Variants in WWOX observed in about 807,000 individuals in gnomAD.
WWOX encodes the protein WW domain containing oxidoreductase.
A neutral mutation model predicts 46.2 loss-of-function variants in WWOX; 69 were observed. The observed-to-expected ratio is 1.49, with a 90% confidence interval of 1.23 to 1.82. The LOEUF is 1.82. Ranked by LOEUF, WWOX falls within the 40% of genes most tolerant of loss-of-function variation. WWOX has a pLI of 0.00. For synonymous variants in WWOX, 359 were observed against 202.6 expected, an observed-to-expected ratio of 1.77 and a Z score of -6.56; for missense variants, 919 against 542.6, an observed-to-expected ratio of 1.69 and a Z score of -6.89.
At chr16:78,854,025 A>G (rs1375949872) in intron 8 of WWOX, among the ~76,000 whole-genome samples, 1 of 152,230 alleles carries the variant, frequency 6.6e-6, no homozygotes, top group Non-Finnish European at 1.5e-5. Context: ...TGTCTGTTGT[A>G]CCACCACCTG....
chr16:78,750,092 T>C (rs2049440654), intron 8 of WWOX, among the ~76,000 whole-genome samples: 1 of 152,148 alleles, frequency 6.6e-6, no homozygotes, highest in South Asian at 2.1e-4. Flanking sequence ...GCTGAAAGTC[T>C]TTTTCACACC....
chr16:78,366,856 T>C (rs896067333), intron 5 of WWOX, among the ~76,000 whole-genome samples: 8 of 152,116 alleles, frequency 5.3e-5, no homozygotes, highest in Non-Finnish European at 2.9e-5. Context: ...ATAGAAACTG[T>C]TCCTATCATA....
intron 5 of WWOX, among the ~76,000 whole-genome samples, chr16:78,357,199 G>C (rs547446944): frequency 1.3e-5 from 2 of 152,276 alleles, no homozygotes; most frequent in South Asian, 2.1e-4. Context: ...TATGAAGGGA[G>C]TCATATGAGT....
At chr16:78,721,392 A>G (rs1215708708) in intron 8 of WWOX, among the ~76,000 whole-genome samples, 5 of 152,202 alleles carry the variant, frequency 3.3e-5, no homozygotes, top group Non-Finnish European at 7.3e-5. Flanking sequence ...CTGTGTAGTG[A>G]CAACAATTAT....
chr16:78,737,327 G>A (rs1287648603), intron 8 of WWOX, among the ~76,000 whole-genome samples: 11 of 151,430 alleles, frequency 7.3e-5, no homozygotes, highest in South Asian at 2.1e-4. Flanking sequence ...GTACAGATGC[G>A]GTTTCATCAT....
chr16:78,487,850 C>T (rs930067802), intron 8 of WWOX, among the ~76,000 whole-genome samples: 1 of 152,072 alleles, frequency 6.6e-6, no homozygotes, highest in African/African-American at 2.4e-5. Context: ...ACCACCAATC[C>T]CCCAACACTA....
intron 8 of WWOX, among the ~76,000 whole-genome samples, chr16:78,876,546 C>T (rs998927855): frequency 6.6e-6 from 1 of 151,634 alleles, no homozygotes; most frequent in East Asian, 1.9e-4. Flanking sequence ...TCTCATTCGC[C>T]CCTTTCTTCT....
At chr16:79,099,602 G>A (rs2049150953) in intron 8 of WWOX, among the ~76,000 whole-genome samples, 1 of 151,952 alleles carries the variant, frequency 6.6e-6, no homozygotes, top group Non-Finnish European at 1.5e-5. Context: ...GTGAGAGAGA[G>A]AGAGAGAGAG....
intron 8 of WWOX, among the ~76,000 whole-genome samples, chr16:79,184,577 A>C (rs928836022): frequency 3.3e-5 from 5 of 151,442 alleles, no homozygotes; most frequent in African/African-American, 9.7e-5. Flanking sequence ...CCACTCTGCA[A>C]CTCTCCAAGC....
intron 8 of WWOX, among the ~76,000 whole-genome samples, chr16:79,121,158 C>G (rs2049623035): frequency 6.6e-6 from 1 of 152,214 alleles, no homozygotes; most frequent in South Asian, 2.1e-4. Flanking sequence ...TGTTTACTCA[C>G]ACCTGCGTAT....
At chr16:78,542,207 C>T (rs1362701959) in intron 8 of WWOX, among the ~76,000 whole-genome samples, 1 of 151,876 alleles carries the variant, frequency 6.6e-6, no homozygotes. Flanking sequence ...TATCTCCAGC[C>T]CTCCGTAAAC....
chr16:78,870,667 T>C (rs1027179143), intron 8 of WWOX, among the ~76,000 whole-genome samples: 1 of 152,204 alleles, frequency 6.6e-6, no homozygotes, highest in Non-Finnish European at 1.5e-5. Context: ...GGTGGTGCGA[T>C]CTTGCCTCAC....
At chr16:78,944,685 C>T (rs530504565) in intron 8 of WWOX, among the ~76,000 whole-genome samples, 1 of 152,156 alleles carries the variant, frequency 6.6e-6, no homozygotes, top group Admixed American at 6.5e-5. Context: ...GTGGGGAATG[C>T]AAGTCACAAT....
At chr16:78,563,674 A>T (rs2044494716) in intron 8 of WWOX, among the ~76,000 whole-genome samples, 1 of 152,066 alleles carries the variant, frequency 6.6e-6, no homozygotes, top group Admixed American at 6.6e-5. Context: ...ATGATTAGTG[A>T]TCTGATTCAT....
chr16:78,977,575 G>A lies in WWOX; in HGVS notation c.1057-234033G>A, dbSNP rs552476668. Among the ~76,000 whole-genome samples the A allele has an allele frequency of 5.6e-4, 85 of 152,134 alleles. 1 individual carries two copies. The highest frequency in any genetic ancestry group is 2.0e-3 in the African/African-American group (83 of 41,488). ...TCGCTTAATTTCCTTTTTCTTTGAG[G>A]GGCTATAAAATTTTTGTTGTTACAA... is the stretch of plus-strand genomic sequence containing the variant. On this transcript the variant is annotated intron_variant, in intron 8 of 8. Transcript: ENST00000566780.
chr16:78,518,254 T>C (rs2043279696), intron 8 of WWOX, among the ~76,000 whole-genome samples: 2 of 152,122 alleles, frequency 1.3e-5, no homozygotes, highest in Non-Finnish European at 2.9e-5. Flanking sequence ...TTTTTTGAGA[T>C]GGAGTCTTGC....
At chr16:78,675,833 A>G (rs1324549168) in intron 8 of WWOX, among the ~76,000 whole-genome samples, 1 of 152,044 alleles carries the variant, frequency 6.6e-6, no homozygotes, top group African/African-American at 2.4e-5. Context: ...AAAAGAAAAT[A>G]TATATATTTT....
At chr16:79,058,367 G>A in intron 8 of WWOX, among the ~76,000 whole-genome samples, 1 of 123,596 alleles carries the variant, frequency 8.1e-6, no homozygotes, top group Non-Finnish European at 1.7e-5. Flanking sequence ...CATTTGGCAA[G>A]TAGTAAACTC....
intron 5 of WWOX, among the ~76,000 whole-genome samples, chr16:78,257,760 G>A (rs1374069626): frequency 6.6e-6 from 1 of 152,172 alleles, no homozygotes; most frequent in African/African-American, 2.4e-5. Flanking sequence ...ATGCTCTGCT[G>A]CTTTGAATGG....
Sources: allele counts gnomAD v4.1 joint callset (sites outside exome capture counted in the v4.1 genomes callset), GRCh38; gene constraint gnomAD v4.1.1; transcripts MANE v1.5; gene names NCBI Gene and HGNC (gene_info 2026-07-23, HGNC 2026-07-21).